CCDC3: variants seen among roughly 807,000 people sequenced by gnomAD.
The protein encoded by CCDC3 is coiled-coil domain containing 3.
CCDC3 carries 24 observed loss-of-function variants against 21.4 expected under a neutral mutation model. The ratio of observed to expected loss-of-function variants is 1.12; its 90% CI spans 0.81 to 1.58. The LOEUF (loss-of-function observed/expected upper bound fraction) is 1.58. Ranked by LOEUF, CCDC3 falls within the 40% of genes most tolerant of loss-of-function variation. The pLI is 0.00. For missense variants in CCDC3, 425 were observed against 360.9 expected, an observed-to-expected ratio of 1.18 and a Z score of -1.44; for synonymous variants, 186 against 166.0, an observed-to-expected ratio of 1.12 and a Z score of -0.93.
Position 13,001,709 on chromosome 10 carries a change from G to C in CCDC3, c.-139C>G, listed in dbSNP as rs1035771522. Reference sequence around the variant, plus strand: ...CACCGCTGTCTCCGCCACGGGGCTCGGCATGCCCGGCCCTGGCGCGCCACG... The same window carrying C: ...CACCGCTGTCTCCGCCACGGGGCTCCGCATGCCCGGCCCTGGCGCGCCACG... On this transcript the variant is annotated 5_prime_UTR_variant, in exon 1 of 3. Coordinates refer to ENST00000378825, the MANE Select transcript of CCDC3 (RefSeq NM_031455.4). The C allele has an allele frequency of 2.7e-5, 13 of 488,824 alleles. No homozygotes were observed. The highest frequency in any genetic ancestry group is 3.5e-5 in the Non-Finnish European group (13 of 369,442). The allele number at this position is 488,824 out of a possible 1,614,324, so 30.3% of individuals were successfully genotyped here.
intron 2 of CCDC3, among the ~76,000 whole-genome samples, chr10:12,912,435 A>G (rs548783173): frequency 3.3e-5 from 5 of 152,278 alleles, no homozygotes; most frequent in East Asian, 1.9e-4. Flanking sequence ...CTAGAGGTCT[A>G]TTTAGGTCCT....
At chr10:12,985,508 A>G (rs568407681) in intron 2 of CCDC3, among the ~76,000 whole-genome samples, 1 of 152,358 alleles carries the variant, frequency 6.6e-6, no homozygotes, top group Admixed American at 6.5e-5. Flanking sequence ...CGTAATAGCT[A>G]AAAACTGAAA....
chr10:13,050,991 A>G (rs1431688294), intron 4 of CCDC3, among the ~76,000 whole-genome samples: 1 of 152,012 alleles, frequency 6.6e-6, no homozygotes, highest in East Asian at 1.9e-4. Context: ...AGGTCTCACT[A>G]TGTTGCCCAG....
At chr10:13,019,340 T>C (rs1778928360) in intron 5 of CCDC3, among the ~76,000 whole-genome samples, 1 of 152,214 alleles carries the variant, frequency 6.6e-6, no homozygotes, top group South Asian at 2.1e-4. Context: ...TTAAGATTGC[T>C]CTGAACCATA....
intron 2 of CCDC3, among the ~76,000 whole-genome samples, chr10:12,907,751 T>C (rs1834196867): frequency 6.6e-6 from 1 of 152,174 alleles, no homozygotes. Context: ...TTTCCTTTTC[T>C]CCCTGCCCCC....
intron 2 of CCDC3, among the ~76,000 whole-genome samples, chr10:12,986,635 G>T (rs550265288): frequency 2.0e-5 from 3 of 152,018 alleles, no homozygotes; most frequent in Non-Finnish European, 2.9e-5. Context: ...TTAGCTGGGC[G>T]TGGTGGCGGA....
At chr10:12,963,359 T>A (rs973236426) in intron 2 of CCDC3, among the ~76,000 whole-genome samples, 4 of 152,154 alleles carry the variant, frequency 2.6e-5, no homozygotes, top group African/African-American at 9.7e-5. Context: ...TTCACTGGTA[T>A]GGCATTGAGA....
intron 2 of CCDC3, among the ~76,000 whole-genome samples, chr10:12,980,209 G>A (rs754261819): frequency 2.0e-5 from 3 of 152,166 alleles, no homozygotes; most frequent in African/African-American, 7.2e-5. Context: ...AAAGCATCTG[G>A]GTTTGCTTAG....
At chr10:13,051,184 C>T (rs1009808999) in intron 4 of CCDC3, among the ~76,000 whole-genome samples, 1 of 152,136 alleles carries the variant, frequency 6.6e-6, no homozygotes, top group African/African-American at 2.4e-5. Flanking sequence ...TATTTCCAAC[C>T]GACTTACTCT....
At chr10:12,973,612 T>C (rs1249923629) in intron 2 of CCDC3, among the ~76,000 whole-genome samples, 4 of 152,248 alleles carry the variant, frequency 2.6e-5, no homozygotes, top group African/African-American at 9.6e-5. Flanking sequence ...CTGTCCATGA[T>C]AAGGTGTCAG....
intron 5 of CCDC3, among the ~76,000 whole-genome samples, chr10:13,027,805 T>C (rs1442811645): frequency 6.6e-6 from 1 of 152,034 alleles, no homozygotes; most frequent in Non-Finnish European, 1.5e-5. Context: ...GTGACTACTA[T>C]TAGCACCATT....
chr10:12,967,655 T>C (rs1835280992), intron 2 of CCDC3, among the ~76,000 whole-genome samples: 1 of 151,956 alleles, frequency 6.6e-6, no homozygotes, highest in South Asian at 2.1e-4. Context: ...TGAAGAAAGC[T>C]TCAGGATTTA....
chr10:13,056,968 T>C (rs1836688891), intron 4 of CCDC3, among the ~76,000 whole-genome samples: 1 of 152,132 alleles, frequency 6.6e-6, no homozygotes, highest in East Asian at 1.9e-4. Flanking sequence ...CACTTTGCCA[T>C]TATCTGGGCT....
intron 5 of CCDC3, among the ~76,000 whole-genome samples, chr10:13,034,388 T>A (rs1042941722): frequency 3.1e-4 from 47 of 151,944 alleles, no homozygotes; most frequent in Admixed American, 7.9e-4. Flanking sequence ...ATATACCTAA[T>A]GTAAATGACA....
chr10:13,039,810 A>C (rs1357415814), intron 5 of CCDC3, among the ~76,000 whole-genome samples: 2 of 151,720 alleles, frequency 1.3e-5, no homozygotes, highest in Non-Finnish European at 2.9e-5. Context: ...CAGTACTTGG[A>C]AATGCGGGAG....
At chr10:13,042,522 G>A (rs573053994) in intron 5 of CCDC3, among the ~76,000 whole-genome samples, 14 of 152,310 alleles carry the variant, frequency 9.2e-5, no homozygotes, top group African/African-American at 1.7e-4. Flanking sequence ...CATCATCTCC[G>A]AATACCTATT....
At chr10:12,951,000 T>C (rs534978349) in intron 2 of CCDC3, among the ~76,000 whole-genome samples, 8 of 152,196 alleles carry the variant, frequency 5.3e-5, no homozygotes, top group Non-Finnish European at 1.0e-4. Context: ...GAGCTTTCTC[T>C]GGCTCACTCT....
intron 5 of CCDC3, among the ~76,000 whole-genome samples, chr10:13,024,810 A>G (rs959946027): frequency 6.6e-6 from 1 of 152,152 alleles, no homozygotes; most frequent in Non-Finnish European, 1.5e-5. Context: ...TCTATTTCCC[A>G]TATTACCAAG....
At chr10:13,035,388 T>TA (rs1800277105) in intron 5 of CCDC3, among the ~76,000 whole-genome samples, 1 of 152,104 alleles carries the variant, frequency 6.6e-6, no homozygotes, top group African/African-American at 2.4e-5. Flanking sequence ...TAAAATAAAA[T>TA]AAAAAATAAA....
Sources: gnomAD v4.1 joint callset for allele counts (sites outside exome capture counted in the v4.1 genomes callset) on GRCh38, gnomAD v4.1.1 for gene constraint, MANE v1.5 for transcripts, NCBI Gene and HGNC (gene_info 2026-07-23, HGNC 2026-07-21) for gene names.